Variants in FRMPD4 observed in about 807,000 individuals in gnomAD.
FRMPD4 encodes the protein FERM and PDZ domain containing 4.
Under a neutral mutation model 94.1 loss-of-function variants are expected in FRMPD4, and 22 were observed. The ratio of observed to expected loss-of-function variants is 0.23; its 90% confidence interval spans 0.17 to 0.33. The LOEUF is 0.33. FRMPD4 is among the 10% of genes least tolerant of loss of function. The pLI, the probability that FRMPD4 is intolerant of heterozygous loss-of-function variation, is 1.00. For synonymous variants in FRMPD4, 631 were observed against 548.6 expected, an observed-to-expected ratio of 1.15 and a Z score of -2.10; for missense variants, 1,111 against 1,339.9, an observed-to-expected ratio of 0.83 and a Z score of 2.67.
chrX:12,446,837 A>G (rs761510592), intron 1 of FRMPD4, among the ~76,000 whole-genome samples: 1 of 111,034 alleles, frequency 9.0e-6, no homozygotes, highest in Non-Finnish European at 1.9e-5. Flanking sequence ...GGGTGGCTCC[A>G]CCCCTTTTGG....
chrX:12,318,877 A>C (rs1481307184), intron 1 of FRMPD4, among the ~76,000 whole-genome samples: 2 of 111,237 alleles, frequency 1.8e-5, no homozygotes, highest in Non-Finnish European at 3.8e-5. Flanking sequence ...GTATCCATAA[A>C]AATTAAAAAG....
chrX:12,126,785 G>A (rs947528238), intron 3 of FRMPD4, among the ~76,000 whole-genome samples: 17 of 111,364 alleles, frequency 1.5e-4, no homozygotes, highest in African/African-American at 5.6e-4. Context: ...ATTCCATCAC[G>A]GCTATTCTGT....
Position 12,721,792 on chromosome X carries a change from C to G in FRMPD4, c.5223C>G (p.His1741Gln), listed in dbSNP as rs747042558. 1.6e-4 allele frequency: 117 copies of G among 751,297 alleles called. No individual in the cohort carries two copies. Among genetic ancestry groups the G allele is most frequent in the Non-Finnish European group, 1.8e-4 (115 of 636,330 alleles). 61.9% of individuals were successfully genotyped at this position (751,297 alleles called of 1,213,427 possible). ...CTAATGTTGGACTCTCGGCGCGACA[C>G]TCAACCACCATGGCCGCTCTCGTAA... ...GDPNVGLSAR[H>Q]STTMAALVST... Residue 1741 changes from histidine (H) to glutamine (Q), a missense_variant, in exon 17 of 17, where the codon CAC becomes CAG. This residue lies in a region of FRMPD4 where 551 missense variants were observed against 591.6 expected (regional missense o/e 0.93). Coordinates refer to ENST00000675598, the MANE Select transcript of FRMPD4 (RefSeq NM_001368397.1).
At chrX:12,361,665 C>A (rs2055990932) in intron 1 of FRMPD4, among the ~76,000 whole-genome samples, 1 of 111,868 alleles carries the variant, frequency 8.9e-6, no homozygotes, top group African/African-American at 3.3e-5. Context: ...GTATTTTGGT[C>A]TTTGGATATA....
At chrX:12,267,009 C>T (rs2054286834) in intron 1 of FRMPD4, among the ~76,000 whole-genome samples, 1 of 112,330 alleles carries the variant, frequency 8.9e-6, no homozygotes, top group Non-Finnish European at 1.9e-5. Context: ...CATTAGCCTA[C>T]AATTGGTCAA....
chrX:11,933,644 G>A (rs2054134190), intron 3 of FRMPD4, among the ~76,000 whole-genome samples: 1 of 112,428 alleles, frequency 8.9e-6, no homozygotes, highest in African/African-American at 3.2e-5. Flanking sequence ...TCTATTTCAG[G>A]AGCCAACTGT....
In FRMPD4 at chrX:12,138,765, G is replaced by C. The variant is rs1344611574; in HGVS notation, c.-207G>C. On this transcript the variant is annotated 5_prime_UTR_variant, in exon 1 of 17. Coordinates refer to ENST00000675598, the MANE Select transcript of FRMPD4 (RefSeq NM_001368397.1). The stretch of plus-strand genomic sequence containing the variant: ...GGGTGCCTATCAATGGTCCTGCTCG[G>C]GGATGCACACGCAGCTCGCGGCCGG... 5.5e-6 allele frequency: 2 copies of C among 361,128 alleles called. No individual in the cohort carries two copies. The highest frequency in any genetic ancestry group is 9.5e-6 in the Non-Finnish European group (2 of 210,545). 29.8% of individuals were successfully genotyped at this position (361,128 alleles called of 1,213,427 possible). A position where few individuals can be genotyped will look rare whatever the true frequency, so the allele number is the denominator to read the frequency against.
At chrX:12,194,154 C>A (rs1041120681) in intron 1 of FRMPD4, among the ~76,000 whole-genome samples, 1 of 110,750 alleles carries the variant, frequency 9.0e-6, no homozygotes, top group East Asian at 2.9e-4. Context: ...ATTTTTCCTA[C>A]GCAAGTTCAG....
chrX:12,038,807 T>C lies in FRMPD4; in HGVS notation c.95+160789T>C, dbSNP rs572698891. Among the ~76,000 whole-genome samples, 27 of 112,127 alleles carry C rather than the reference T, an allele frequency of 2.4e-4. No individual in the cohort carries two copies. The South Asian group carries it at 9.3e-3, about 38-fold the overall frequency. ...GATAGTGATGTACACTCATTCCTAA[T>C]TTTGGTAATTTGTTTCTTCTATTTT... On this transcript the variant is annotated intron_variant, in intron 3 of 18. Coordinates refer to the FRMPD4 transcript ENST00000640291.
intron 3 of FRMPD4, among the ~76,000 whole-genome samples, chrX:12,031,800 A>T (rs1344114739): frequency 8.9e-6 from 1 of 112,093 alleles, no homozygotes; most frequent in Non-Finnish European, 1.9e-5. Context: ...GCTTTCTGAA[A>T]CAGGGCCAGA....
At chrX:12,135,772 T>G (rs2055590718), upstream of FRMPD4, among the ~76,000 whole-genome samples, 1 of 111,494 alleles carries the variant, frequency 9.0e-6, no homozygotes, top group African/African-American at 3.3e-5. Flanking sequence ...ATTTGGTATC[T>G]GGAATAATTA....
At chrX:12,644,032 A>C (rs1426198660) in intron 4 of FRMPD4, among the ~76,000 whole-genome samples, 1 of 112,402 alleles carries the variant, frequency 8.9e-6, no homozygotes, top group African/African-American at 3.2e-5. Context: ...TATAATTTGT[A>C]ATATGCATAA....
intron 2 of FRMPD4, among the ~76,000 whole-genome samples, chrX:12,547,346 G>T (rs988512536): frequency 1.8e-5 from 2 of 111,400 alleles, no homozygotes; most frequent in African/African-American, 6.5e-5. Context: ...ATAGTCCAGG[G>T]GTCAGCAAAC....
chrX:12,279,425 G>A (rs1209527822), intron 1 of FRMPD4, among the ~76,000 whole-genome samples: 1 of 112,490 alleles, frequency 8.9e-6, no homozygotes, highest in Non-Finnish European at 1.9e-5. Context: ...TGAACTAGAT[G>A]CTCTGCCCTG....
chrX:12,426,740 C>T (rs1052583788), intron 1 of FRMPD4, among the ~76,000 whole-genome samples: 1 of 111,702 alleles, frequency 9.0e-6, no homozygotes, highest in African/African-American at 3.3e-5. Context: ...AAGAACACTC[C>T]TATCAGTCCG....
At chrX:12,437,390 A>G (rs1443378850) in intron 1 of FRMPD4, among the ~76,000 whole-genome samples, 3 of 100,112 alleles carry the variant, frequency 3.0e-5, no homozygotes, top group Non-Finnish European at 6.2e-5. Context: ...AGATCTAGCA[A>G]TATATTCTTT....
chrX:12,567,232 G>C (rs1412160131), intron 2 of FRMPD4, among the ~76,000 whole-genome samples: 1 of 111,792 alleles, frequency 8.9e-6, no homozygotes, highest in Non-Finnish European at 1.9e-5. Flanking sequence ...GGCTTTGGGA[G>C]CAACAGATTT....
chrX:12,323,789 C>A (rs2055245313), intron 1 of FRMPD4, among the ~76,000 whole-genome samples: 1 of 111,241 alleles, frequency 9.0e-6, no homozygotes, highest in East Asian at 2.8e-4. Context: ...AACTGGAGTC[C>A]CTGAGTGTTG....
chrX:11,842,379 A>G (rs1187165765), intron 1 of FRMPD4, among the ~76,000 whole-genome samples: 23 of 99,623 alleles, frequency 2.3e-4, no homozygotes, highest in East Asian at 1.3e-3. Context: ...CCTACCCATG[A>G]GCATGGAATG....
Sources: gnomAD v4.1 joint callset for allele counts (sites outside exome capture counted in the v4.1 genomes callset) on GRCh38, gnomAD v4.1.1 for gene constraint, gnomAD v4.1.1 regional missense constraint, MANE v1.5 for transcripts, NCBI Gene and HGNC (gene_info 2026-07-23, HGNC 2026-07-21) for gene names.